The following CDH13 variants were observed in gnomAD, a reference collection of about 807,000 sequenced individuals.
CDH13 encodes cadherin 13.
A neutral mutation model predicts 63.8 loss-of-function variants in CDH13; 24 were observed. The ratio of observed to expected loss-of-function variants is 0.38; its 90% CI spans 0.27 to 0.53. The LOEUF (loss-of-function observed/expected upper bound fraction) is 0.53, where lower values mean the gene tolerates loss of function less well. Ranked by LOEUF, CDH13 falls within the 20% of genes least tolerant of loss-of-function variation. The probability of loss-of-function intolerance (pLI) is 0.85; values close to 1 mark genes in which losing one functional copy is unlikely to be tolerated. For synonymous variants in CDH13, 503 were observed against 355.3 expected, an observed-to-expected ratio of 1.42 and a Z score of -4.67; for missense variants, 1,049 against 903.1, an observed-to-expected ratio of 1.16 and a Z score of -2.07.
At chr16:83,104,705 C>T (rs1195982806) in intron 3 of CDH13, among the ~76,000 whole-genome samples, 5 of 151,988 alleles carry the variant, frequency 3.3e-5, no homozygotes, top group African/African-American at 7.3e-5. Context: ...GAATTTCAGT[C>T]GTAGGAGATA....
At chr16:82,894,584 G>A (rs1256314739) in intron 2 of CDH13, among the ~76,000 whole-genome samples, 1 of 152,208 alleles carries the variant, frequency 6.6e-6, no homozygotes, top group East Asian at 1.9e-4. Context: ...AGAGGTTGCA[G>A]TGAGCCAAGA....
At chr16:83,157,250 T>C (rs150187921) in intron 4 of CDH13, among the ~76,000 whole-genome samples, 16 of 152,054 alleles carry the variant, frequency 1.1e-4, no homozygotes, top group African/African-American at 3.9e-4. Context: ...AGCGGTGAGA[T>C]GACTACAGGT....
At chr16:83,224,145 C>G (rs1165317630) in intron 5 of CDH13, among the ~76,000 whole-genome samples, 1 of 152,122 alleles carries the variant, frequency 6.6e-6, no homozygotes, top group African/African-American at 2.4e-5. Context: ...CAATCCCATC[C>G]AGGTTGTTGC....
intron 5 of CDH13, among the ~76,000 whole-genome samples, chr16:83,246,987 C>T (rs763737177): frequency 1.3e-4 from 20 of 152,132 alleles, no homozygotes; most frequent in Non-Finnish European, 1.9e-4. Flanking sequence ...CTTCAGCATC[C>T]GGGGTAGATG....
intron 2 of CDH13, among the ~76,000 whole-genome samples, chr16:82,929,263 A>G (rs1329187218): frequency 3.9e-5 from 6 of 152,084 alleles, no homozygotes; most frequent in Non-Finnish European, 5.9e-5. Context: ...TGAGGTGGTA[A>G]AATCATTAGG....
At chr16:82,962,680 A>G (rs116811457) in intron 2 of CDH13, among the ~76,000 whole-genome samples, 13 of 152,282 alleles carry the variant, frequency 8.5e-5, no homozygotes, top group African/African-American at 3.1e-4. Context: ...AGGCCAAGCA[A>G]CACATCCAGT....
intron 3 of CDH13, among the ~76,000 whole-genome samples, chr16:83,105,650 T>G (rs1449922017): frequency 6.8e-6 from 1 of 146,792 alleles, no homozygotes; most frequent in Non-Finnish European, 1.5e-5. Context: ...TAGATACTAC[T>G]TATTAAAGTT....
chr16:83,154,696 C>G (rs952389370), intron 4 of CDH13, among the ~76,000 whole-genome samples: 2 of 152,096 alleles, frequency 1.3e-5, no homozygotes, highest in African/African-American at 4.8e-5. Context: ...GGTACCATGC[C>G]AGGATGAAAA....
intron 1 of CDH13, among the ~76,000 whole-genome samples, chr16:82,648,749 C>T (rs1476862206): frequency 2.0e-5 from 3 of 151,842 alleles, no homozygotes; most frequent in Non-Finnish European, 4.4e-5. Flanking sequence ...ATACAAGAAA[C>T]TTGAAAAAGT....
chr16:83,598,864 TAACAGA>T, intron 7 of CDH13, among the ~76,000 whole-genome samples: 1 of 152,204 alleles, frequency 6.6e-6, no homozygotes, highest in Middle Eastern at 3.2e-3. Context: ...CCTCCAAGTT[TAACAGA>T]AAGATAACTT....
In CDH13 at chr16:83,002,213, C is replaced by T. The variant is rs568013126; in HGVS notation, c.158-29797C>T. ...TTAAGAATCTGATAATGAGAGGAGC[C>T]TGGATTATCTGGGTGAGCCCTAAAT... On this transcript the variant is annotated intron_variant, in intron 2 of 13. Transcript: ENST00000567109. Among the ~76,000 whole-genome samples, 15 of 152,262 alleles carry T rather than the reference C, an allele frequency of 9.9e-5. 1 individual carries two copies. In the South Asian group the frequency reaches 3.1e-3, roughly 32 times the overall value.
chr16:83,360,577 T>C (rs536310491), intron 6 of CDH13, among the ~76,000 whole-genome samples: 1 of 152,272 alleles, frequency 6.6e-6, no homozygotes, highest in South Asian at 2.1e-4. Flanking sequence ...GGTAGCACCA[T>C]AGTACCTAAC....
intron 7 of CDH13, among the ~76,000 whole-genome samples, chr16:83,498,025 G>T (rs970392096): frequency 6.6e-6 from 1 of 152,182 alleles, no homozygotes; most frequent in African/African-American, 2.4e-5. Flanking sequence ...ATTAAATCTA[G>T]CTCAAAATTT....
intron 1 of CDH13, among the ~76,000 whole-genome samples, chr16:82,822,496 G>A (rs1459579695): frequency 1.3e-5 from 2 of 152,118 alleles, no homozygotes; most frequent in Admixed American, 6.6e-5. Flanking sequence ...TACTGTTCCA[G>A]TTATCTTTTT....
At chr16:83,019,546 A>T (rs1324036254) in intron 2 of CDH13, among the ~76,000 whole-genome samples, 14 of 147,326 alleles carry the variant, frequency 9.5e-5, no homozygotes, top group South Asian at 8.6e-4. Flanking sequence ...CCCAGGCTAG[A>T]GTACCGTGGC....
intron 6 of CDH13, among the ~76,000 whole-genome samples, chr16:83,390,562 C>A (rs1355836508): frequency 6.6e-6 from 1 of 151,818 alleles, no homozygotes; most frequent in Non-Finnish European, 1.5e-5. Flanking sequence ...AGTGATCCTA[C>A]TATCAACAGG....
rs545434359 is a variant in CDH13, at chr16:83,431,532, A to T, written c.782-54945A>T. 3.0e-4 allele frequency among the ~76,000 whole-genome samples: 45 copies of T among 152,192 alleles called. 1 individual carries two copies. Among genetic ancestry groups the T allele is most frequent in the African/African-American group, 7.2e-4 (30 of 41,524 alleles). On this transcript the variant is annotated intron_variant, in intron 6 of 13. Transcript: ENST00000567109. ...CCTGAGGATGGGTAATTTATAAAAA[A>T]TTTTTTAAAAAGGCTTAATTGGGTC... is the stretch of plus-strand genomic sequence containing the variant.
intron 5 of CDH13, among the ~76,000 whole-genome samples, chr16:83,224,558 T>C (rs748452621): frequency 1.3e-5 from 2 of 152,180 alleles, no homozygotes; most frequent in Non-Finnish European, 2.9e-5. Context: ...GAGCCCTGAG[T>C]GGGACAAAAC....
At chr16:83,507,686 T>A (rs7195083) in intron 7 of CDH13, among the ~76,000 whole-genome samples, 3,511 of 152,228 alleles carry the variant, frequency 0.023, 138 homozygotes, top group African/African-American at 0.079. Flanking sequence ...TCAGACATCC[T>A]TGGTTTTAAA....
Sources: gnomAD v4.1 joint callset for allele counts (sites outside exome capture counted in the v4.1 genomes callset) on GRCh38, gnomAD v4.1.1 for gene constraint, MANE v1.5 for transcripts, NCBI Gene and HGNC (gene_info 2026-07-23, HGNC 2026-07-21) for gene names.